The following AXIN1 variants were observed in gnomAD, a reference collection of about 807,000 sequenced individuals.
The protein encoded by AXIN1 is axin 1.
AXIN1 carries 30 observed loss-of-function variants against 76.4 expected under a neutral mutation model. The observed-to-expected ratio is 0.39, with a 90% CI of 0.29 to 0.53. The LOEUF is 0.53. AXIN1 is among the 20% of genes least tolerant of loss of function. The pLI is 0.66. For synonymous variants in AXIN1, 545 were observed against 501.4 expected (o/e 1.09, Z -1.16); for missense variants, 1,140 against 1,198.8 (o/e 0.95, Z 0.72).
chr16:314,044 C>T (rs1234780740), intron 3 of AXIN1, among the ~76,000 whole-genome samples: 1 of 152,234 alleles, frequency 6.6e-6, no homozygotes, highest in African/African-American at 2.4e-5. Flanking sequence ...CATCACTCGC[C>T]ACAGCCAGTG....
chr16:293,768 G>C lies in AXIN1; in HGVS notation c.1956-50C>G. ...TGACTGTGGCCGACACCCTGGCCAG[G>C]TGGCCTGGTGGGGCTACACTCATCT... On this transcript the variant is annotated intron_variant, in intron 7 of 10. Transcript: ENST00000262320. This position sits in a 1 kb window ranked among gnomAD's most constrained non-coding sequence, Gnocchi z 4.6. 6.4e-7 allele frequency: 1 copy of C among 1,561,662 alleles called. No homozygotes were observed. The highest frequency in any genetic ancestry group is 8.8e-7 in the Non-Finnish European group (1 of 1,137,642).
In AXIN1 at chr16:297,075, G is replaced by A. The variant is rs779027270; in HGVS notation, c.1936C>T (p.His646Tyr). The part of the protein sequence containing the change: ...IIEGEKEISR[H>Y]RRTGHGSSGT... Reference sequence around the variant, plus strand: ...GCTCACCCGTGGCCGGTCCTGCGGTGCCTGCTGATCTCCTTTTCCCCCTCA... The same window carrying A: ...GCTCACCCGTGGCCGGTCCTGCGGTACCTGCTGATCTCCTTTTCCCCCTCA... The change falls in exon 7 of 11, where the codon CAC becomes TAC. Residue 646 changes from histidine (H) to tyrosine (Y), a missense_variant. Physicochemically the swap from His to Tyr is moderately conservative, Grantham distance 83. Coordinates refer to ENST00000262320, the MANE Select transcript of AXIN1 (RefSeq NM_003502.4). 6.2e-7 allele frequency: 1 copy of A among 1,611,924 alleles called. No individual in the cohort carries two copies.
rs2052438937 is a variant in AXIN1 at position 288,158 on chromosome 16, C to T, written c.2553G>A (p.Glu851=). 1.2e-6 allele frequency: 2 copies of T among 1,613,524 alleles called. No individual in the cohort carries two copies. Among genetic ancestry groups the T allele is most frequent in the East Asian group, 2.2e-5 (1 of 44,900 alleles). Residue 851 remains glutamate (E), a synonymous_variant, in exon 11 of 11, where the codon GAG becomes GAA. Coordinates refer to ENST00000262320, the MANE Select transcript of AXIN1 (RefSeq NM_003502.4). ...REDEAVLPVF[E]EKIIGKVEKV... ...TCTCCACTTTGCCGATGATCTTCTC[C>T]TCAAAGACGGGCAGGACGGCCTCGT...
At chr16:299,575 A>G (rs2052812553) in intron 5 of AXIN1, among the ~76,000 whole-genome samples, 3 of 151,836 alleles carry the variant, frequency 2.0e-5, no homozygotes, top group Non-Finnish European at 4.4e-5. Flanking sequence ...GGCTGGTCTC[A>G]AACTCCTAAC....
intron 2 of AXIN1, among the ~76,000 whole-genome samples, chr16:335,679 A>G (rs2053788830): frequency 6.6e-6 from 1 of 152,070 alleles, no homozygotes; most frequent in Non-Finnish European, 1.5e-5. Flanking sequence ...AGTACCACAC[A>G]CACCAGCTCC....
chr16:329,188 A>C (rs1462570858), intron 2 of AXIN1, among the ~76,000 whole-genome samples: 2 of 150,722 alleles, frequency 1.3e-5, no homozygotes, highest in African/African-American at 4.9e-5. Context: ...GAGGCAGGAG[A>C]ATCGCTTGAA....
intron 2 of AXIN1, among the ~76,000 whole-genome samples, chr16:339,756 C>A (rs1303674899): frequency 1.3e-5 from 2 of 152,128 alleles, no homozygotes; most frequent in Admixed American, 1.3e-4. Context: ...AAACCCCCCA[C>A]ACCCAGGCAA....
In AXIN1 at chr16:304,292, C is replaced by T. The variant is rs199648464; in HGVS notation, c.1254+12G>A. The T allele has an allele frequency of 6.0e-5, 97 of 1,610,670 alleles. 1 individual carries two copies. The highest frequency in any genetic ancestry group is 5.0e-4 in the Middle Eastern group (3 of 5,990). On this transcript the variant is annotated intron_variant, in intron 5 of 10. Transcript: ENST00000262320. ...ACCGACGCGGAGCGCGACACCGACGCGGCCCACTCACCATGCGCACGCGCT... is the reference window on the plus strand; with the variant it reads ...ACCGACGCGGAGCGCGACACCGACGTGGCCCACTCACCATGCGCACGCGCT...
chr16:320,298 G>A (rs893090242), intron 2 of AXIN1, among the ~76,000 whole-genome samples: 1 of 152,076 alleles, frequency 6.6e-6, no homozygotes, highest in East Asian at 1.9e-4. Flanking sequence ...TGCCCACCTC[G>A]GTGTCCGAAT....
intron 4 of AXIN1, 100 bp downstream of exon 4, chr16:309,873 T>TCGTG: frequency 8.5e-7 from 1 of 1,178,528 alleles, no homozygotes; most frequent in East Asian, 2.5e-5. Context: ...TAAGCCTGGC[T>TCGTG]CGTGGGAGGC....
At chr16:340,681 A>G (rs2053898909) in intron 2 of AXIN1, among the ~76,000 whole-genome samples, 1 of 152,268 alleles carries the variant, frequency 6.6e-6, no homozygotes, top group Non-Finnish European at 1.5e-5. Context: ...CCGAGGGTGC[A>G]GAAAGTGTTC....
rs1457345627 is a variant in AXIN1, at chr16:291,264, G to C, written c.2220C>G (p.Ala740=). 1 of 1,582,498 alleles carries C rather than the reference G, an allele frequency of 6.3e-7. No individual in the cohort carries two copies. The highest frequency in any genetic ancestry group is 1.8e-5 in the Admixed American group (1 of 54,414). Reference sequence around the variant, plus strand: ...CCGGCGCGCACGCTGGCCTGACGCAGGCGCGTCCCCGCCGCATAACCTCCT... The same window carrying C: ...CCGGCGCGCACGCTGGCCTGACGCACGCGCGTCCCCGCCGCATAACCTCCT... ...YVQEVMRRGR[A]CVRPACAPVL... The change falls in exon 9 of 11, where the codon GCC becomes GCG. Residue 740 remains alanine, a synonymous_variant. Coordinates refer to ENST00000262320, the MANE Select transcript of AXIN1 (RefSeq NM_003502.4).
At chr16:295,442 A>C (rs2052685585) in intron 7 of AXIN1, among the ~76,000 whole-genome samples, 1 of 151,910 alleles carries the variant, frequency 6.6e-6, no homozygotes, top group Non-Finnish European at 1.5e-5. Context: ...ATTATATACT[A>C]ATCCTAGAGG....
At chr16:332,418 A>G (rs1392767244) in intron 2 of AXIN1, among the ~76,000 whole-genome samples, 5 of 152,024 alleles carry the variant, frequency 3.3e-5, no homozygotes, top group African/African-American at 1.2e-4. Flanking sequence ...TCTACTAAAA[A>G]TACAAAAAAT....
At chr16:291,387 A>T in intron 8 of AXIN1, 90 bp from the exon 9 acceptor site, 1 of 1,164,408 alleles carries the variant, frequency 8.6e-7, no homozygotes, top group Non-Finnish European at 1.2e-6. Context: ...GCAGGGACGG[A>T]CGGAGCGTGA....
chr16:289,735 C>T (rs2052500274), intron 9 of AXIN1, 128 bp from the exon 10 acceptor site: 1 of 1,188,742 alleles, frequency 8.4e-7, no homozygotes, highest in African/African-American at 1.5e-5. Flanking sequence ...CCCATTCAAA[C>T]ACCTGGGGCC....
chr16:307,871 C>T lies in AXIN1; in HGVS notation c.1116+2102G>A, dbSNP rs187555279. Among the ~76,000 whole-genome samples the T allele has an allele frequency of 3.7e-3, 567 of 152,358 alleles. 4 individuals carry two copies. The highest frequency in any genetic ancestry group is 6.3e-3 in the Non-Finnish European group (432 of 68,032). On this transcript the variant is annotated intron_variant, in intron 4 of 10. Transcript: ENST00000262320. ...CCCCGCCTCTGCTCACCACCATCCT[C>T]GGGTCCAGTTTCCCAGTAGCAGCAG...
intron 1 of AXIN1, among the ~76,000 whole-genome samples, chr16:347,735 C>T (rs898011021): frequency 5.3e-5 from 8 of 152,198 alleles, no homozygotes; most frequent in South Asian, 2.1e-4. Context: ...TCTCAACACA[C>T]GCCTCAAAGA....
At chr16:346,079 C>A (rs2141699370) in intron 2 of AXIN1, 69 bp downstream of exon 2, 1 of 1,538,762 alleles carries the variant, frequency 6.5e-7, no homozygotes, top group Admixed American at 1.8e-5. Context: ...CTCATCAGCA[C>A]CTTTCCCTGG....
Sources: allele counts gnomAD v4.1 joint callset (sites outside exome capture counted in the v4.1 genomes callset), GRCh38; gene constraint gnomAD v4.1.1; non-coding constraint Gnocchi (gnomAD v3.1); transcripts MANE v1.5; gene names NCBI Gene and HGNC (gene_info 2026-07-23, HGNC 2026-07-21).